The following TCF12 variants were observed in gnomAD, a reference collection of about 807,000 sequenced individuals.
TCF12 encodes the protein DNA-binding protein HTF4.
Under a neutral mutation model 86.0 loss-of-function variants are expected in TCF12, and 45 were observed. That is an observed-to-expected ratio of 0.52 (90% CI 0.41 to 0.67). The LOEUF (loss-of-function observed/expected upper bound fraction) is 0.67, where lower values mean the gene tolerates loss of function less well. Among genes scored for constraint, TCF12 ranks in the 30% least tolerant of loss-of-function variants. TCF12 has a pLI of 0.00. For missense variants in TCF12, 881 were observed against 859.9 expected (o/e 1.02, Z -0.31); for synonymous variants, 330 against 299.6 (o/e 1.10, Z -1.05).
chr15:57,129,359 G>A (rs959355856), intron 5 of TCF12, among the ~76,000 whole-genome samples: 4 of 152,122 alleles, frequency 2.6e-5, no homozygotes, highest in Non-Finnish European at 5.9e-5. Flanking sequence ...CTAGGAGTTC[G>A]AGACCAGCCT....
chr15:56,919,982 C>T lies in TCF12; in HGVS notation c.69C>T (p.Phe23=), dbSNP rs1443901587. Residue 23 remains phenylalanine (F), a synonymous_variant, in exon 2 of 21, where the codon TTC becomes TTT. Transcript: ENST00000333725. ...AGGAGCTGAGCGACCTACTGGACTT[C>T]AGTGCGGTATGAGAGCTTTCCATGG... is the stretch of plus-strand genomic sequence containing the variant. The part of the protein sequence containing the change: ...TDKELSDLLD[F]SAMFSPPVNS... The T allele has an allele frequency of 6.2e-7, 1 of 1,614,012 alleles. No homozygotes were observed. The highest frequency in any genetic ancestry group is 1.7e-5 in the Admixed American group (1 of 60,016).
At chr15:56,993,539 C>A (rs760184237) in intron 3 of TCF12, among the ~76,000 whole-genome samples, 30 of 152,100 alleles carry the variant, frequency 2.0e-4, no homozygotes, top group South Asian at 4.1e-4. Flanking sequence ...ACTGAGACCA[C>A]GTGTAAAGAG....
intron 6 of TCF12, among the ~76,000 whole-genome samples, chr15:57,190,842 A>C (rs2056943581): frequency 6.6e-6 from 1 of 152,190 alleles, no homozygotes; most frequent in Non-Finnish European, 1.5e-5. Context: ...AGATATTAAA[A>C]AGGCTAGCAT....
intron 4 of TCF12, among the ~76,000 whole-genome samples, chr15:57,070,869 A>G (rs1715115691): frequency 6.6e-6 from 1 of 152,188 alleles, no homozygotes; most frequent in African/African-American, 2.4e-5. Flanking sequence ...ATTTGACAGC[A>G]GATGCCTTAA....
intron 4 of TCF12, among the ~76,000 whole-genome samples, chr15:57,072,295 A>T (rs2069466112): frequency 1.3e-5 from 2 of 152,330 alleles, no homozygotes; most frequent in South Asian, 4.1e-4. Context: ...GTAACTCCTG[A>T]ATTAAACTTC....
intron 9 of TCF12, 97 bp downstream of exon 9, chr15:57,231,354 C>T: frequency 1.1e-6 from 1 of 878,870 alleles, no homozygotes; most frequent in Non-Finnish European, 1.7e-6. Context: ...ATATTCAGGC[C>T]TTATTTAGGC....
At chr15:57,057,249 CCTT>C (rs2068100340) in intron 3 of TCF12, among the ~76,000 whole-genome samples, 1 of 152,198 alleles carries the variant, frequency 6.6e-6, no homozygotes, top group Non-Finnish European at 1.5e-5. Context: ...TCTTTTCTGG[CCTT>C]CTCCCTTTTG....
At chr15:57,205,916 T>C (rs916045781) in intron 8 of TCF12, among the ~76,000 whole-genome samples, 6 of 152,192 alleles carry the variant, frequency 3.9e-5, no homozygotes, top group Non-Finnish European at 7.3e-5. Flanking sequence ...TGTACTGATA[T>C]GGCTGTATAC....
At position 57,042,137 on chromosome 15, in the gene TCF12, G is replaced by GCCT. The variant is rs1282825131; in HGVS notation, c.149-21613_149-21612insCCT. Among the ~76,000 whole-genome samples the GCCT allele has an allele frequency of 2.6e-3, 390 of 151,042 alleles. 2 individuals carry two copies. Among genetic ancestry groups the GCCT allele is most frequent in the African/African-American group, 9.2e-3 (376 of 40,960 alleles). On this transcript the variant is annotated intron_variant, in intron 3 of 20. Transcript: ENST00000333725. ...TTTTTCAATTTTTATTGTTTTTTTT[G>GCCT]AGATGGAGTTTTGCCTTGTTGCCCA...
chr15:57,207,805 G>A (rs192052720), intron 8 of TCF12, among the ~76,000 whole-genome samples: 289 of 151,986 alleles, frequency 1.9e-3, no homozygotes, highest in African/African-American at 6.6e-3. Flanking sequence ...ATCTTCTCCA[G>A]TAACACAAAA....
chr15:57,142,304 T>TATAGATAGATAGATAG (rs60126987), intron 5 of TCF12, among the ~76,000 whole-genome samples: 51,516 of 149,410 alleles, frequency 0.34, 9,322 homozygotes, highest in South Asian at 0.4. Flanking sequence ...CTCACACTTT[T>TATAGATAGATAGATAG]ATAGATAGAT....
chr15:57,167,482 G>A (rs1386172272), intron 6 of TCF12, among the ~76,000 whole-genome samples: 1 of 152,038 alleles, frequency 6.6e-6, no homozygotes, highest in South Asian at 2.1e-4. Context: ...GATCACTTGA[G>A]CCCAGGAGTT....
intron 8 of TCF12, among the ~76,000 whole-genome samples, chr15:57,201,767 A>G (rs1416446017): frequency 6.6e-6 from 1 of 152,078 alleles, no homozygotes; most frequent in Non-Finnish European, 1.5e-5. Context: ...AGGGTGTTTT[A>G]CTTCCGTTTT....
intron 4 of TCF12, among the ~76,000 whole-genome samples, chr15:57,083,702 A>G (rs2048454691): frequency 6.6e-6 from 1 of 152,130 alleles, no homozygotes; most frequent in Non-Finnish European, 1.5e-5. Context: ...CTTCTATCAC[A>G]GCCTTCCAAG....
intron 16 of TCF12, among the ~76,000 whole-genome samples, chr15:57,258,350 C>T (rs1366691139): frequency 3.3e-5 from 5 of 152,164 alleles, no homozygotes; most frequent in Admixed American, 2.6e-4. Context: ...ATAAAGTTAG[C>T]GACATCCCAT....
chr15:57,147,591 A>T lies in TCF12; in HGVS notation c.326-18811A>T, dbSNP rs542193081. Among the ~76,000 whole-genome samples the T allele has an allele frequency of 1.9e-4, 29 of 152,330 alleles. No individual in the cohort carries two copies. In the East Asian group the frequency reaches 5.0e-3, roughly 26 times the overall value. ...GGAAAAAAAACAGAAAGTATAAAAT[A>T]AAAAACCTATAAAGGTGCAGTTAAA... On this transcript the variant is annotated intron_variant, in intron 5 of 20. Transcript: ENST00000333725.
chr15:57,189,363 A>G (rs2056858013), intron 6 of TCF12, among the ~76,000 whole-genome samples: 1 of 152,026 alleles, frequency 6.6e-6, no homozygotes, highest in Non-Finnish European at 1.5e-5. Context: ...TAGTATCCAG[A>G]ATATATAAAC....
intron 13 of TCF12, chr15:57,247,031 GCCC>G: frequency 1.8e-6 from 1 of 547,828 alleles, no homozygotes; most frequent in Non-Finnish European, 3.6e-6. Context: ...CACCAAAAGT[GCCC>G]CCTTTCATGG....
chr15:57,201,046 A>T (rs2057519357), intron 8 of TCF12, among the ~76,000 whole-genome samples: 1 of 152,190 alleles, frequency 6.6e-6, no homozygotes, highest in African/African-American at 2.4e-5. Context: ...TAAATAACCA[A>T]AAAAGAATAG....
Sources: gnomAD v4.1 joint callset for allele counts (sites outside exome capture counted in the v4.1 genomes callset) on GRCh38, gnomAD v4.1.1 for gene constraint, MANE v1.5 for transcripts, NCBI Gene and HGNC (gene_info 2026-07-23, HGNC 2026-07-21) for gene names.